Variants in GNLY observed in about 807,000 individuals in gnomAD.
GNLY encodes the protein granulysin, also known as T-cell activation protein 519.
In GNLY, 15 loss-of-function variants were observed where a neutral mutation model predicts 18.5. That is an observed-to-expected ratio of 0.81 (90% CI 0.54 to 1.25). GNLY has a LOEUF of 1.25. GNLY is among the 50% of genes most tolerant of loss of function. The pLI is 0.00. For missense variants in GNLY, 178 were observed against 186.9 expected, an observed-to-expected ratio of 0.95 and a Z score of 0.28; for synonymous variants, 77 against 74.9, an observed-to-expected ratio of 1.03 and a Z score of -0.14.
chr2:85,695,807 G>A, intron 2 of GNLY, 151 bp from the exon 3 acceptor site: 2 of 618,490 alleles, frequency 3.2e-6, no homozygotes, highest in Non-Finnish European at 5.8e-6. Flanking sequence ...GGGCCAGGCA[G>A]CCAGTTCAGG....
At chr2:85,694,684 G>A in intron 1 of GNLY, 1 of 1,331,440 alleles carries the variant, frequency 7.5e-7, no homozygotes. Flanking sequence ...AGGAGAGACA[G>A]GCCAGGGATT....
chr2:85,697,146 TG>T (rs1385234116), intron 3 of GNLY: 1 of 207,908 alleles, frequency 4.8e-6, no homozygotes, highest in African/African-American at 2.4e-5. Context: ...CCCCTCTATC[TG>T]GAGCCCCCAG....
Position 85,694,432 on chromosome 2 carries a change from C to A in GNLY, c.14C>A (p.Ala5Asp). 6.2e-7 allele frequency: 1 copy of A among 1,614,032 alleles called. No homozygotes were observed. The highest frequency in any genetic ancestry group is 1.1e-5 in the South Asian group (1 of 91,074). ...GGCTGCCCCACCATGGCTACCTGGG[C>A]CCTCCTGCTCCTTGCAGCCATGCTC... MATW[A>D]LLLLAAMLLG... The change falls in exon 1 of 5, where the codon GCC (alanine) becomes GAC (aspartate). Residue 5 changes from alanine (A) to aspartate (D), a missense_variant. Ala to Asp is a moderately radical substitution (Grantham distance 126). Coordinates refer to ENST00000263863, the MANE Select transcript of GNLY (RefSeq NM_006433.5).
rs371111427 is a variant in GNLY at position 85,694,486 on chromosome 2, C to G, written c.52+16C>G. 6.2e-7 allele frequency: 1 copy of G among 1,612,628 alleles called. No homozygotes were observed. The highest frequency in any genetic ancestry group is 2.2e-5 in the East Asian group (1 of 44,856). On this transcript the variant is annotated intron_variant, in intron 1 of 4. Transcript: ENST00000263863. ...GGCAACCCAGGTAAGGCCTTCCCCT[C>G]GGGATCGATCCTGATGGCCCACCCA... is the stretch of plus-strand genomic sequence containing the variant.
Position 85,695,991 on chromosome 2 carries a change from C to T in GNLY, c.190C>T (p.Arg64Cys), listed in dbSNP as rs35146240. The change falls in exon 3 of 5, where the codon CGT becomes TGT. Residue 64 changes from arginine to cysteine, a missense_variant. By Grantham distance (180) the Arg-to-Cys change is radical (BLOSUM62 -3). Transcript: ENST00000263863. Reference sequence around the variant, plus strand: ...GTTGACCAAAACACAGGAGCTGGGCCGTGACTACAGGACCTGTCTGACGAT... The same window carrying T: ...GTTGACCAAAACACAGGAGCTGGGCTGTGACTACAGGACCTGTCTGACGAT... ...DLLTKTQELG[R>C]DYRTCLTIVQ... is the part of the protein sequence containing the mutation. 1.6e-4 allele frequency: 251 copies of T among 1,611,684 alleles called. 3 individuals carry two copies. In the African/African-American group the frequency reaches 2.9e-3, roughly 19 times the overall value.
chr2:85,697,447 T>TTG, intron 3 of GNLY, 59 bp from the exon 4 acceptor site: 1 of 1,462,794 alleles, frequency 6.8e-7, no homozygotes, highest in Non-Finnish European at 9.5e-7. Flanking sequence ...ACCTGCAGGG[T>TTG]GGCAGAGCTG....
In GNLY at chr2:85,694,449, G is replaced by C. The variant is rs1224308284; in HGVS notation, c.31G>C (p.Ala11Pro). 5.0e-6 allele frequency: 8 copies of C among 1,613,984 alleles called. No homozygotes were observed. In the Admixed American group the frequency reaches 1.3e-4, roughly 27 times the overall value. Residue 11 changes from alanine (A) to proline (P), a missense_variant, in exon 1 of 5, where the codon GCC becomes CCC. Coordinates refer to ENST00000263863, the MANE Select transcript of GNLY (RefSeq NM_006433.5). ...TACCTGGGCCCTCCTGCTCCTTGCA[G>C]CCATGCTCCTGGGCAACCCAGGTAA... MATWALLLLA[A>P]MLLGNPGLVF...
intron 1 of GNLY, chr2:85,694,942 G>A: frequency 6.3e-7 from 1 of 1,585,888 alleles, no homozygotes; most frequent in East Asian, 2.3e-5. Flanking sequence ...GAGCCCCAAG[G>A]GCAAGAACAC....
At chr2:85,694,768 C>T in intron 1 of GNLY, 1 of 1,441,410 alleles carries the variant, frequency 6.9e-7, no homozygotes, top group Non-Finnish European at 9.1e-7. Context: ...GCCTCCGCAT[C>T]TGCGTGGTGA....
Position 85,694,401 on chromosome 2 carries a change from C to T in GNLY, c.-18C>T. ...CCATAAAACAGGGTGTGAAAGGCATCTCAGCGGCTGCCCCACCATGGCTAC... is the reference window on the plus strand; with the variant it reads ...CCATAAAACAGGGTGTGAAAGGCATTTCAGCGGCTGCCCCACCATGGCTAC... On this transcript the variant is annotated 5_prime_UTR_variant, in exon 1 of 5. Transcript: ENST00000263863. 3.1e-6 allele frequency: 5 copies of T among 1,613,652 alleles called. No individual in the cohort carries two copies. The highest frequency in any genetic ancestry group is 4.2e-6 in the Non-Finnish European group (5 of 1,179,580).
At chr2:85,695,610 C>A (rs1678412467) in intron 2 of GNLY, among the ~76,000 whole-genome samples, 187 bp downstream of exon 2, 1 of 152,064 alleles carries the variant, frequency 6.6e-6, no homozygotes, top group South Asian at 2.1e-4. Context: ...CTGGCAGACT[C>A]CTCCAGGAGG....
rs1278069279 is a variant in GNLY, at chr2:85,694,384, C to T, written c.-35C>T. 6.2e-7 allele frequency: 1 copy of T among 1,603,936 alleles called. No individual in the cohort carries two copies. The highest frequency in any genetic ancestry group is 8.5e-7 in the Non-Finnish European group (1 of 1,170,950). On this transcript the variant is annotated 5_prime_UTR_variant, in exon 1 of 5. Transcript: ENST00000263863. The stretch of plus-strand genomic sequence containing the variant: ...AGCTGCAGGCTCCCTGCCCATAAAA[C>T]AGGGTGTGAAAGGCATCTCAGCGGC...
At position 85,694,450 on chromosome 2, in the gene GNLY, C is replaced by T. The variant is rs1678349647; in HGVS notation, c.32C>T (p.Ala11Val). Residue 11 changes from alanine (A) to valine (V), a missense_variant, in exon 1 of 5, where the codon GCC becomes GTC. Physicochemically the swap from Ala to Val is moderately conservative, Grantham distance 64. Coordinates refer to ENST00000263863, the MANE Select transcript of GNLY (RefSeq NM_006433.5). ...ACCTGGGCCCTCCTGCTCCTTGCAG[C>T]CATGCTCCTGGGCAACCCAGGTAAG... The part of the protein sequence containing the change: MATWALLLLA[A>V]MLLGNPGLVF... The T allele has an allele frequency of 6.2e-7, 1 of 1,614,078 alleles. No individual in the cohort carries two copies.
At chr2:85,696,270 C>G in intron 3 of GNLY, 1 of 550,374 alleles carries the variant, frequency 1.8e-6, no homozygotes. Context: ...AGTCAGACGG[C>G]AGAGTATACA....
Position 85,697,555 on chromosome 2 carries a change from G to A in GNLY, c.305G>A (p.Arg102Gln), listed in dbSNP as rs767011139. 13 of 1,613,140 alleles carry A rather than the reference G, an allele frequency of 8.1e-6. No individual in the cohort carries two copies. Among genetic ancestry groups the A allele is most frequent in the African/African-American group, 8.0e-5 (6 of 74,898 alleles). ...CGGGTGTGTAGGACGGGGAGGTCAC[G>A]ATGGCGCGACGTCTGCAGAAATTTC... is the stretch of plus-strand genomic sequence containing the variant. The part of the protein sequence containing the change: ...ATRVCRTGRS[R>Q]WRDVCRNFMR... Residue 102 changes from arginine to glutamine, a missense_variant, in exon 4 of 5, where the codon CGA becomes CAA. Transcript: ENST00000263863.
intron 2 of GNLY, 40 bp from the exon 3 acceptor site, chr2:85,695,918 G>C: frequency 8.4e-7 from 1 of 1,188,570 alleles, no homozygotes; most frequent in Non-Finnish European, 1.3e-6. Flanking sequence ...CGCTCCCAGA[G>C]TGTCTGAGAG....
chr2:85,698,184 C>T (rs1230986993), intron 4 of GNLY, among the ~76,000 whole-genome samples: 1 of 152,210 alleles, frequency 6.6e-6, no homozygotes, highest in Admixed American at 6.5e-5. Context: ...GGGAACCCTT[C>T]AGGCAGGGGA....
At chr2:85,697,163 T>G in intron 3 of GNLY, 1 of 222,462 alleles carries the variant, frequency 4.5e-6, no homozygotes, top group Non-Finnish European at 8.9e-6. Context: ...CCCAGCCAGG[T>G]CCTGGACCCA....
chr2:85,696,137 C>A, intron 3 of GNLY, 81 bp downstream of exon 3: 1 of 749,470 alleles, frequency 1.3e-6, no homozygotes, highest in Admixed American at 2.3e-5. Flanking sequence ...GATCGGGGAG[C>A]CCGGGGGCAC....
Sources: gnomAD v4.1 joint callset for allele counts (sites outside exome capture counted in the v4.1 genomes callset) on GRCh38, gnomAD v4.1.1 for gene constraint, MANE v1.5 for transcripts, NCBI Gene and HGNC (gene_info 2026-07-23, HGNC 2026-07-21) for gene names.